The following RGL4 variants were observed in gnomAD, a reference collection of about 807,000 sequenced individuals.
RGL4 encodes the protein ral guanine nucleotide dissociation stimulator like 4.
RGL4 carries 41 observed loss-of-function variants against 49.6 expected under a neutral mutation model. That is an observed-to-expected ratio of 0.83 (90% CI 0.64 to 1.07). The LOEUF (loss-of-function observed/expected upper bound fraction) is 1.07, where lower values mean the gene tolerates loss of function less well. Ranked by LOEUF, RGL4 falls within the 50% of genes least tolerant of loss-of-function variation. The pLI, the probability that RGL4 is intolerant of heterozygous loss-of-function variation, is 0.00. For synonymous variants in RGL4, 255 were observed against 238.0 expected, an observed-to-expected ratio of 1.07 and a Z score of -0.66; for missense variants, 610 against 591.9, an observed-to-expected ratio of 1.03 and a Z score of -0.32.
chr22:23,692,281 G>C, intron 1 of RGL4, 54 bp from the exon 2 acceptor site: 2 of 1,608,484 alleles, frequency 1.2e-6, no homozygotes, highest in Non-Finnish European at 1.7e-6. Context: ...GTGCCCTGGA[G>C]GGTTGTGTGG....
At chr22:23,698,050 C>A in intron 9 of RGL4, 162 bp from the exon 10 acceptor site, 4 of 1,174,344 alleles carry the variant, frequency 3.4e-6, no homozygotes, top group Non-Finnish European at 4.9e-6. Context: ...CCAATTCCTG[C>A]AGGAGGGGCT....
Position 23,692,049 on chromosome 22 carries a change from A to C in RGL4, c.19A>C (p.Asn7His), listed in dbSNP as rs774663908. 3 of 1,613,732 alleles carry C rather than the reference A, an allele frequency of 1.9e-6. No homozygotes were observed. The highest frequency in any genetic ancestry group is 2.7e-5 in the African/African-American group (2 of 74,886). ...AGCTTTGATGAGGAAGCTGCTCACA[A>C]ATCTGCCTGCAGCTGCAGTCTTGAG... MRKLLT[N>H]LPAAAVLSAQ... Residue 7 changes from asparagine to histidine, a missense_variant, in exon 1 of 11, where the codon AAT (asparagine) becomes CAT (histidine). By Grantham distance (68) the Asn-to-His change is moderately conservative (BLOSUM62 1). Transcript: ENST00000290691.
At chr22:23,693,518 A>G (rs1472398798) in intron 3 of RGL4, among the ~76,000 whole-genome samples, 1 of 152,050 alleles carries the variant, frequency 6.6e-6, no homozygotes, top group East Asian at 1.9e-4. Context: ...CTGGGAGAAA[A>G]TGTCACTCTC....
intron 7 of RGL4, among the ~76,000 whole-genome samples, chr22:23,696,912 C>T (rs1299947754): frequency 6.6e-6 from 1 of 152,164 alleles, no homozygotes; most frequent in Non-Finnish European, 1.5e-5. Flanking sequence ...GGACCACAGG[C>T]CTTTGTGACT....
chr22:23,693,093 C>G (rs1601284695), intron 3 of RGL4, 102 bp downstream of exon 3: 2 of 1,452,648 alleles, frequency 1.4e-6, no homozygotes, highest in East Asian at 4.9e-5. Flanking sequence ...TTCAGCCCCA[C>G]TTCTTACCAA....
rs199514388 is a variant in RGL4, at chr22:23,692,387, T to C, written c.232T>C (p.Tyr78His). 4.3e-6 allele frequency: 7 copies of C among 1,614,210 alleles called. No homozygotes were observed. The African/African-American group carries it at 6.7e-5, about 15-fold the overall frequency. The part of the protein sequence containing the change: ...NWPPENTSVY[Y>H]QPPQRSSFRI... The stretch of plus-strand genomic sequence containing the variant: ...GCCCCCCGAAAACACTTCAGTTTAC[T>C]ATCAGCCCCCGCAACGGTCATCTTT... Residue 78 changes from tyrosine (Y) to histidine (H), a missense_variant, in exon 2 of 11, where the codon TAT becomes CAT. Physicochemically the swap from Tyr to His is moderately conservative, Grantham distance 83. Coordinates refer to ENST00000290691, the MANE Select transcript of RGL4 (RefSeq NM_153615.2).
intron 4 of RGL4, 104 bp downstream of exon 4, chr22:23,694,078 C>A: frequency 9.9e-7 from 1 of 1,006,444 alleles, no homozygotes; most frequent in Non-Finnish European, 1.5e-6. Flanking sequence ...GGCCTGGACC[C>A]TGCACATCCC....
chr22:23,698,395 G>A, intron 10 of RGL4, 62 bp downstream of exon 10: 4 of 1,547,860 alleles, frequency 2.6e-6, no homozygotes, highest in African/African-American at 1.4e-5. Context: ...TTTTTAACAT[G>A]GTCTGGCTCT....
Position 23,695,019 on chromosome 22 carries a change from G to A in RGL4, c.1086G>A (p.Lys362=). Reference sequence around the variant, plus strand: ...CAGTGAAGAGGGACCTACTGATCAAGGTACAGTGGAGTCTGGGAGATGCAG... The same window carrying A: ...CAGTGAAGAGGGACCTACTGATCAAAGTACAGTGGAGTCTGGGAGATGCAG... ...DTAVKRDLLI[K]AGSFKVATQE... Residue 362 remains lysine (K), a splice_region_variant and synonymous_variant, in exon 6 of 11, where the codon AAG becomes AAA. Transcript: ENST00000290691. 1 of 1,608,794 alleles carries A rather than the reference G, an allele frequency of 6.2e-7. No individual in the cohort carries two copies. Among genetic ancestry groups the A allele is most frequent in the Non-Finnish European group, 8.5e-7 (1 of 1,175,332 alleles).
In RGL4 at chr22:23,699,122, T is replaced by C. The variant is rs931724814; in HGVS notation, c.*239T>C. 56 of 1,491,120 alleles carry C rather than the reference T, an allele frequency of 3.8e-5. No individual in the cohort carries two copies. The highest frequency in any genetic ancestry group is 4.9e-5 in the Non-Finnish European group (55 of 1,125,010). 92.4% of individuals were successfully genotyped at this position (1,491,120 alleles called of 1,614,324 possible). A position where few individuals can be genotyped will look rare whatever the true frequency, so the allele number is the denominator to read the frequency against. On this transcript the variant is annotated 3_prime_UTR_variant, in exon 11 of 11. Transcript: ENST00000290691. ...ATGTTTATTTTCTTTAGTGTATAAGTAAGGGTTTTTTCTTAACTTTCGTTA... is the reference window on the plus strand; with the variant it reads ...ATGTTTATTTTCTTTAGTGTATAAGCAAGGGTTTTTTCTTAACTTTCGTTA...
At chr22:23,697,360 C>T (rs939578575) in intron 8 of RGL4, 115 bp downstream of exon 8, 79 of 764,602 alleles carry the variant, frequency 1.0e-4, no homozygotes, top group Non-Finnish European at 1.6e-4. Context: ...TCCTAAGAGC[C>T]TCACAGCTGC....
chr22:23,696,976 C>G (rs2123862520), intron 7 of RGL4, among the ~76,000 whole-genome samples, 195 bp from the exon 8 acceptor site: 1 of 152,276 alleles, frequency 6.6e-6, no homozygotes, highest in Admixed American at 6.5e-5. Flanking sequence ...ACTTGGAGGT[C>G]AGCTGGGATA....
At chr22:23,698,125 A>AG in intron 9 of RGL4, 87 bp from the exon 10 acceptor site, 1 of 1,535,952 alleles carries the variant, frequency 6.5e-7, no homozygotes, top group Non-Finnish European at 8.8e-7. Context: ...AAACTGCCCC[A>AG]GGGACCAGCC....
At chr22:23,696,546 G>A (rs776529335) in intron 6 of RGL4, 68 bp from the exon 7 acceptor site, 48 of 1,609,464 alleles carry the variant, frequency 3.0e-5, no homozygotes, top group South Asian at 8.8e-5. Context: ...ATCCAAGTGC[G>A]GGGTGGCTGG....
chr22:23,698,674 A>T (rs1185832536), intron 10 of RGL4, 170 bp from the exon 11 acceptor site: 2 of 869,714 alleles, frequency 2.3e-6, no homozygotes, highest in Non-Finnish European at 3.6e-6. Context: ...GGCCTAGAGG[A>T]GGCTCTCCCG....
chr22:23,696,695 G>A lies in RGL4; in HGVS notation c.1161+7G>A, dbSNP rs902876891. 11 of 1,611,844 alleles carry A rather than the reference G, an allele frequency of 6.8e-6. No homozygotes were observed. The highest frequency in any genetic ancestry group is 5.3e-5 in the African/African-American group (4 of 74,884). ...GCTGCGGAGGCAGAAGAAGGTGAGT[G>A]AGCCTGTGGCATGGACGGGCCGCAG... On this transcript the variant is annotated splice_region_variant and intron_variant, in intron 7 of 10. Transcript: ENST00000290691.
Position 23,698,352 on chromosome 22 carries a change from G to A in RGL4, c.1382+19G>A. 6.3e-7 allele frequency: 1 copy of A among 1,591,502 alleles called. No individual in the cohort carries two copies. Among genetic ancestry groups the A allele is most frequent in the South Asian group, 1.1e-5 (1 of 89,698 alleles). ...AAGAGAGGTGAGGGCCTAGCCCATGGGCTGAGGGTGGGAGAAGGCTCTCCA... is the reference window on the plus strand; with the variant it reads ...AAGAGAGGTGAGGGCCTAGCCCATGAGCTGAGGGTGGGAGAAGGCTCTCCA... On this transcript the variant is annotated intron_variant, in intron 10 of 10. Coordinates refer to ENST00000290691, the MANE Select transcript of RGL4 (RefSeq NM_153615.2).
intron 5 of RGL4, 35 bp from the exon 6 acceptor site, chr22:23,694,915 C>A (rs1428559554): frequency 1.3e-6 from 2 of 1,566,858 alleles, no homozygotes; most frequent in Non-Finnish European, 1.8e-6. Context: ...CCCCTGATTC[C>A]CAAATTTACC....
chr22:23,692,213 G>C lies in RGL4; in HGVS notation c.179+4G>C, dbSNP rs776695326. On this transcript the variant is annotated splice_donor_region_variant and intron_variant, in intron 1 of 10. Transcript: ENST00000290691. Reference sequence around the variant, plus strand: ...AGGACAGCACTGATGGCTTACGGTAGGGTGGGGCTGTCCTCCACACTGGCA... The same window carrying C: ...AGGACAGCACTGATGGCTTACGGTACGGTGGGGCTGTCCTCCACACTGGCA... 1 of 1,612,006 alleles carries C rather than the reference G, an allele frequency of 6.2e-7. No individual in the cohort carries two copies. Among genetic ancestry groups the C allele is most frequent in the African/African-American group, 1.3e-5 (1 of 74,998 alleles).
Sources: allele counts gnomAD v4.1 joint callset (sites outside exome capture counted in the v4.1 genomes callset), GRCh38; gene constraint gnomAD v4.1.1; transcripts MANE v1.5; gene names NCBI Gene and HGNC (gene_info 2026-07-23, HGNC 2026-07-21).